GLG1: variants seen among roughly 807,000 people sequenced by gnomAD.
GLG1 encodes the protein Golgi apparatus protein 1.
A neutral mutation model predicts 160.5 loss-of-function variants in GLG1; 38 were observed. The observed-to-expected ratio is 0.24, with a 90% CI of 0.18 to 0.31. The LOEUF is 0.31. Ranked by LOEUF, GLG1 falls within the 10% of genes least tolerant of loss-of-function variation. The pLI is 1.00. For missense variants in GLG1, 1,373 were observed against 1,505.2 expected (o/e 0.91, Z 1.45); for synonymous variants, 644 against 543.4 (o/e 1.19, Z -2.57).
rs188120925 is a variant in GLG1, at chr16:74,572,098, G to A, written c.438+34559C>T. Among the ~76,000 whole-genome samples, 8 of 152,278 alleles carry A rather than the reference G, an allele frequency of 5.3e-5. No homozygotes were observed. In the East Asian group the frequency reaches 1.5e-3, roughly 29 times the overall value. On this transcript the variant is annotated intron_variant, in intron 1 of 25. Coordinates refer to ENST00000422840, the MANE Select transcript of GLG1 (RefSeq NM_001145667.2). ...TGGGGCTAGTCACTGGAAAAACCAA[G>A]GCATGATTGGAGGGTTGGGACTTTC...
intron 10 of GLG1, among the ~76,000 whole-genome samples, chr16:74,481,672 AG>A (rs1336356417): frequency 6.6e-6 from 1 of 152,234 alleles, no homozygotes; most frequent in Non-Finnish European, 1.5e-5. Context: ...TTCTAGAAAA[AG>A]TATGTGGGCA....
chr16:74,498,468 T>TATATATATATA lies in GLG1; in HGVS notation c.775-1825_775-1824insTATATATATAT, dbSNP rs1491206560. On this transcript the variant is annotated intron_variant, in intron 4 of 25. Transcript: ENST00000422840. ...AAAAAGTATATATATATATATATAT[T>TATATATATATA]ATATTTTATATATATATTTTATATA... Among the ~76,000 whole-genome samples, 121 of 29,674 alleles carry TATATATATATA rather than the reference T, an allele frequency of 4.1e-3. 22 individuals are homozygous for TATATATATATA. The highest frequency in any genetic ancestry group is 0.036 in the South Asian group (23 of 634). 19.5% of individuals were successfully genotyped at this position (29,674 alleles called of 152,430 possible).
chr16:74,517,534 T>A (rs559347042), intron 2 of GLG1, among the ~76,000 whole-genome samples: 3 of 152,316 alleles, frequency 2.0e-5, no homozygotes, highest in African/African-American at 7.2e-5. Context: ...AAACTCGGTA[T>A]CGATGGAACA....
intron 1 of GLG1, among the ~76,000 whole-genome samples, chr16:74,602,072 T>G (rs1244715546): frequency 6.6e-6 from 1 of 151,998 alleles, no homozygotes; most frequent in Non-Finnish European, 1.5e-5. Context: ...GTCCACTATC[T>G]CAAGTATACA....
At chr16:74,459,579 A>C (rs1225948953) in intron 23 of GLG1, 103 bp downstream of exon 23, 1 of 676,270 alleles carries the variant, frequency 1.5e-6, no homozygotes. Context: ...GAAGGTTGAG[A>C]TTTTTGGTTT....
chr16:74,516,153 G>C (rs1375864933), intron 2 of GLG1, among the ~76,000 whole-genome samples: 7 of 151,550 alleles, frequency 4.6e-5, no homozygotes, highest in Non-Finnish European at 8.8e-5. Context: ...CAACGAGACA[G>C]AAAGTTAAGA....
chr16:74,452,135 A>C lies in GLG1; in HGVS notation c.*1032T>G. The C allele has an allele frequency of 6.2e-7, 1 of 1,613,904 alleles. No homozygotes were observed. The highest frequency in any genetic ancestry group is 1.7e-5 in the Admixed American group (1 of 60,008). On this transcript the variant is annotated 3_prime_UTR_variant, in exon 26 of 26. Transcript: ENST00000422840. ...TGTCTCTGACCTGTATTGTAGCCTG[A>C]AAAATAAAGCAAAGTGAGTCAAACC...
chr16:74,602,040 G>C (rs1021950739), intron 1 of GLG1, among the ~76,000 whole-genome samples: 85 of 152,074 alleles, frequency 5.6e-4, no homozygotes, highest in African/African-American at 1.8e-3. Flanking sequence ...ATTATCAACA[G>C]TGAGACAATA....
chr16:74,600,654 C>G (rs1005507863), intron 1 of GLG1, among the ~76,000 whole-genome samples: 115 of 149,742 alleles, frequency 7.7e-4, no homozygotes, highest in African/African-American at 2.6e-3. Context: ...ATCACTTGAA[C>G]CCAGGAGGCA....
At chr16:74,581,730 GTGA>G in intron 1 of GLG1, among the ~76,000 whole-genome samples, 1 of 151,984 alleles carries the variant, frequency 6.6e-6, no homozygotes, top group Non-Finnish European at 1.5e-5. Context: ...GGCCAACATG[GTGA>G]AACCCCGTCT....
At chr16:74,530,558 A>AGTGTT (rs1007078730) in intron 2 of GLG1, among the ~76,000 whole-genome samples, 6 of 152,114 alleles carry the variant, frequency 3.9e-5, no homozygotes, top group Admixed American at 3.9e-4. Context: ...ATTTGGCCTA[A>AGTGTT]GTGTTGTAGT....
chr16:74,529,905 C>T (rs1294960973), intron 2 of GLG1, among the ~76,000 whole-genome samples: 3 of 150,302 alleles, frequency 2.0e-5, no homozygotes, highest in African/African-American at 4.9e-5. Context: ...TCTATCTCCC[C>T]GGTTCAAGCG....
At chr16:74,569,618 T>C (rs1224953970) in intron 1 of GLG1, among the ~76,000 whole-genome samples, 1 of 152,048 alleles carries the variant, frequency 6.6e-6, no homozygotes, top group South Asian at 2.1e-4. Context: ...TCCCAGCACT[T>C]TGGGAGGCCG....
In GLG1 at chr16:74,504,673, G is replaced by T. The variant is rs181531733; in HGVS notation, c.559-927C>A. Among the ~76,000 whole-genome samples, 13 of 152,274 alleles carry T rather than the reference G, an allele frequency of 8.5e-5. No individual in the cohort carries two copies. In the East Asian group the frequency reaches 2.5e-3, roughly 29 times the overall value. ...AAATCAGTAGAATCCAAACTTAACC[G>T]CTGTGGTCTGGGACACATGTGGTCT... is the stretch of plus-strand genomic sequence containing the variant. On this transcript the variant is annotated intron_variant, in intron 3 of 25. Coordinates refer to ENST00000422840, the MANE Select transcript of GLG1 (RefSeq NM_001145667.2).
intron 12 of GLG1, among the ~76,000 whole-genome samples, chr16:74,475,295 C>G (rs908499168): frequency 7.2e-5 from 11 of 151,944 alleles, no homozygotes; most frequent in African/African-American, 2.7e-4. Flanking sequence ...TCAATCTGTG[C>G]TTTGATAATT....
rs1020190650 is a variant in GLG1, at chr16:74,449,885, G to C, written c.*3282C>G. ...GTCTAGGGACAACAGCAACAGCAAT[G>C]GAAGTCCAACATGCACCCAGGTGAA... On this transcript the variant is annotated 3_prime_UTR_variant, in exon 26 of 26. Coordinates refer to ENST00000422840, the MANE Select transcript of GLG1 (RefSeq NM_001145667.2). 6.6e-6 allele frequency: 1 copy of C among 152,290 alleles called. No homozygotes were observed. Among genetic ancestry groups the C allele is most frequent in the African/African-American group, 2.4e-5 (1 of 41,454 alleles). 9.4% of individuals were successfully genotyped at this position (152,290 alleles called of 1,614,324 possible). A position where few individuals can be genotyped will look rare whatever the true frequency, so the allele number is the denominator to read the frequency against.
At chr16:74,477,574 A>G (rs763155913) in intron 11 of GLG1, 41 bp from the exon 12 acceptor site, 1 of 1,536,818 alleles carries the variant, frequency 6.5e-7, no homozygotes, top group Middle Eastern at 1.7e-4. Context: ...AAAGGTAACA[A>G]AACAAAAACA....
chr16:74,533,059 G>T (rs1298848596), intron 1 of GLG1, among the ~76,000 whole-genome samples: 1 of 152,146 alleles, frequency 6.6e-6, no homozygotes, highest in Non-Finnish European at 1.5e-5. Context: ...GGTGGCTCAC[G>T]CCTGTAATCC....
chr16:74,462,230 C>A, intron 21 of GLG1, 35 bp from the exon 22 acceptor site: 1 of 1,081,542 alleles, frequency 9.2e-7, no homozygotes, highest in Non-Finnish European at 1.4e-6. Flanking sequence ...ATGGGCTGAT[C>A]AGAAAACGAA....
Sources: gnomAD v4.1 joint callset for allele counts (sites outside exome capture counted in the v4.1 genomes callset) on GRCh38, gnomAD v4.1.1 for gene constraint, MANE v1.5 for transcripts, NCBI Gene and HGNC (gene_info 2026-07-23, HGNC 2026-07-21) for gene names.